Variants in CADPS2 observed in about 807,000 individuals in gnomAD.
CADPS2 encodes the protein calcium dependent secretion activator 2.
In CADPS2, 93 loss-of-function variants were observed where a neutral mutation model predicts 172.5. That is an observed-to-expected ratio of 0.54 (90% CI 0.46 to 0.64). The LOEUF is 0.64. Among genes scored for constraint, CADPS2 ranks in the 30% least tolerant of loss-of-function variants. CADPS2 has a pLI of 0.00. For missense variants in CADPS2, 1,420 were observed against 1,565.9 expected (o/e 0.91, Z 1.57); for synonymous variants, 546 against 555.2 (o/e 0.98, Z 0.23).
intron 1 of CADPS2, among the ~76,000 whole-genome samples, chr7:122,770,289 T>C (rs1036125298): frequency 2.6e-5 from 4 of 152,162 alleles, no homozygotes; most frequent in East Asian, 1.9e-4. Flanking sequence ...ATCATTGTAG[T>C]AAGTAGGAAG....
At chr7:122,607,414 T>A (rs1358395038) in intron 6 of CADPS2, among the ~76,000 whole-genome samples, 1 of 152,134 alleles carries the variant, frequency 6.6e-6, no homozygotes, top group East Asian at 1.9e-4. Flanking sequence ...CTTCCAAATT[T>A]AGACCACTCA....
At chr7:122,535,619 T>C (rs1168153473) in intron 8 of CADPS2, among the ~76,000 whole-genome samples, 4 of 152,098 alleles carry the variant, frequency 2.6e-5, no homozygotes, top group Non-Finnish European at 5.9e-5. Flanking sequence ...CCTATTGATA[T>C]TGACCACACA....
intron 25 of CADPS2, among the ~76,000 whole-genome samples, chr7:122,361,492 A>G (rs569098812): frequency 7.2e-5 from 11 of 151,962 alleles, no homozygotes; most frequent in Non-Finnish European, 1.3e-4. Context: ...TTGGCCTCCC[A>G]AAGTACTGGG....
chr7:122,342,742 T>C lies in CADPS2; in HGVS notation c.3612+2832A>G, dbSNP rs189613805. On this transcript the variant is annotated intron_variant, in intron 28 of 29. Transcript: ENST00000449022. ...CTAAGTTTTAATTCAGTATAATGTG[T>C]GTGTAACCATGTTTTCACTTGCATC... 2.0e-5 allele frequency among the ~76,000 whole-genome samples: 3 copies of C among 152,264 alleles called. No homozygotes were observed. The East Asian group carries it at 5.8e-4, about 29-fold the overall frequency.
intron 3 of CADPS2, among the ~76,000 whole-genome samples, chr7:122,652,358 TTTGTTTTAGGAAAGGCAG>T (rs2079245982): frequency 6.6e-6 from 1 of 152,180 alleles, no homozygotes; most frequent in East Asian, 1.9e-4. Context: ...CATAAACACA[TTTGTTTTAGGAAAGGCAG>T]TTGATTAACT....
At chr7:122,514,165 C>T (rs1435185932) in intron 8 of CADPS2, among the ~76,000 whole-genome samples, 2 of 152,104 alleles carry the variant, frequency 1.3e-5, no homozygotes, top group Non-Finnish European at 2.9e-5. Context: ...TATAAACACA[C>T]TCCCTACAAA....
intron 1 of CADPS2, among the ~76,000 whole-genome samples, chr7:122,751,801 A>G (rs562985029): frequency 6.6e-6 from 1 of 152,280 alleles, no homozygotes; most frequent in East Asian, 1.9e-4. Flanking sequence ...ACGCAGTGAA[A>G]TGCTGTGTAA....
chr7:122,709,733 AATG>A (rs1195428659), intron 2 of CADPS2, among the ~76,000 whole-genome samples: 1 of 152,156 alleles, frequency 6.6e-6, no homozygotes, highest in African/African-American at 2.4e-5. Flanking sequence ...AGCCATAAAA[AATG>A]ATGAGTTCAC....
chr7:122,633,603 C>G (rs1049903431), intron 3 of CADPS2, among the ~76,000 whole-genome samples: 2 of 151,934 alleles, frequency 1.3e-5, no homozygotes, highest in Non-Finnish European at 2.9e-5. Flanking sequence ...TTGGCAGAGT[C>G]TTTAGGGGTT....
chr7:122,627,796 T>C (rs1563899040), intron 4 of CADPS2, among the ~76,000 whole-genome samples: 1 of 152,220 alleles, frequency 6.6e-6, no homozygotes, highest in African/African-American at 2.4e-5. Context: ...AGGTTCTTTA[T>C]TAGCTTTAGG....
intron 1 of CADPS2, among the ~76,000 whole-genome samples, chr7:122,855,619 T>C (rs1258530368): frequency 3.3e-5 from 5 of 152,090 alleles, no homozygotes; most frequent in African/African-American, 1.2e-4. Flanking sequence ...TGAATGAAAT[T>C]TGGAAAACAA....
intron 2 of CADPS2, among the ~76,000 whole-genome samples, chr7:122,694,790 C>A (rs997017705): frequency 5.3e-5 from 8 of 152,040 alleles, no homozygotes; most frequent in Non-Finnish European, 8.8e-5. Context: ...AGCCAAAAAA[C>A]CAAATTTGTT....
At chr7:122,486,850 G>A (rs530998357) in intron 11 of CADPS2, among the ~76,000 whole-genome samples, 7 of 152,034 alleles carry the variant, frequency 4.6e-5, no homozygotes, top group East Asian at 3.9e-4. Flanking sequence ...CAACCTGATC[G>A]GTCAGCAGCC....
At chr7:122,622,337 T>G (rs904743315) in intron 4 of CADPS2, among the ~76,000 whole-genome samples, 5 of 152,326 alleles carry the variant, frequency 3.3e-5, no homozygotes, top group African/African-American at 1.2e-4. Flanking sequence ...TAGAAAAAGT[T>G]AAGTTTAAAG....
intron 2 of CADPS2, among the ~76,000 whole-genome samples, chr7:122,726,517 T>C (rs1261505120): frequency 6.6e-6 from 1 of 151,862 alleles, no homozygotes; most frequent in Non-Finnish European, 1.5e-5. Context: ...TCAAGATCTA[T>C]CCCTGAAGCC....
At chr7:122,369,935 C>G (rs1293236685) in intron 25 of CADPS2, 1 of 152,252 alleles carries the variant, frequency 6.6e-6, no homozygotes, top group Non-Finnish European at 1.5e-5. Context: ...ACTCTCCAAC[C>G]TTTCAGTGAC....
intron 2 of CADPS2, among the ~76,000 whole-genome samples, chr7:122,696,803 A>T (rs1195908493): frequency 6.6e-6 from 1 of 152,186 alleles, no homozygotes; most frequent in Non-Finnish European, 1.5e-5. Context: ...AAAACAGTCA[A>T]GTTTTTCAAA....
intron 17 of CADPS2, among the ~76,000 whole-genome samples, chr7:122,425,089 C>A (rs1276122605): frequency 6.6e-6 from 1 of 152,024 alleles, no homozygotes; most frequent in East Asian, 1.9e-4. Flanking sequence ...CAGGCCCAAG[C>A]AATCCTCCCA....
At chr7:122,869,465 A>T (rs889197067) in intron 1 of CADPS2, among the ~76,000 whole-genome samples, 2 of 152,050 alleles carry the variant, frequency 1.3e-5, no homozygotes, top group Non-Finnish European at 2.9e-5. Context: ...AACTGCCAAT[A>T]GTATTATACC....
Sources: allele counts gnomAD v4.1 joint callset (sites outside exome capture counted in the v4.1 genomes callset), GRCh38; gene constraint gnomAD v4.1.1; transcripts MANE v1.5; gene names NCBI Gene and HGNC (gene_info 2026-07-23, HGNC 2026-07-21).